The following ZBTB5 variants were observed in gnomAD, a reference collection of about 807,000 sequenced individuals.
ZBTB5 encodes the protein zinc finger and BTB domain-containing protein 5.
Under a neutral mutation model 37.9 loss-of-function variants are expected in ZBTB5, and 15 were observed. The ratio of observed to expected loss-of-function variants is 0.40; its 90% confidence interval spans 0.26 to 0.61. ZBTB5 has a LOEUF of 0.61. Ranked by LOEUF, ZBTB5 falls within the 20% of genes least tolerant of loss-of-function variation. The probability of loss-of-function intolerance (pLI) is 0.47; values close to 1 mark genes in which losing one functional copy is unlikely to be tolerated. For missense variants in ZBTB5, 708 were observed against 856.8 expected (o/e 0.83, Z 2.17); for synonymous variants, 315 against 312.4 (o/e 1.01, Z -0.09).
chr9:37,462,397 G>C (rs990060707), intron 1 of ZBTB5, among the ~76,000 whole-genome samples: 1 of 152,090 alleles, frequency 6.6e-6, no homozygotes, highest in Non-Finnish European at 1.5e-5. Context: ...TGAAAGCCAA[G>C]CTACAAGTCA....
intron 1 of ZBTB5, among the ~76,000 whole-genome samples, chr9:37,445,782 T>G (rs1304521315): frequency 1.3e-5 from 2 of 152,088 alleles, no homozygotes; most frequent in African/African-American, 4.8e-5. Context: ...TGTTGTTGTT[T>G]TTGTTTCTTT....
intron 1 of ZBTB5, among the ~76,000 whole-genome samples, chr9:37,464,983 C>T (rs1438174117): frequency 6.6e-6 from 1 of 152,244 alleles, no homozygotes; most frequent in East Asian, 1.9e-4. Flanking sequence ...AGCCCCCGCC[C>T]CACCCCGCAG....
chr9:37,461,131 A>G (rs1192814456), intron 1 of ZBTB5, among the ~76,000 whole-genome samples: 3 of 152,214 alleles, frequency 2.0e-5, no homozygotes, highest in Admixed American at 1.3e-4. Flanking sequence ...ATTCAAAATA[A>G]GTACAATCTA....
intron 1 of ZBTB5, among the ~76,000 whole-genome samples, chr9:37,456,809 C>A (rs1271089205): frequency 6.6e-6 from 1 of 152,128 alleles, no homozygotes; most frequent in African/African-American, 2.4e-5. Context: ...TAAACTTTTG[C>A]TATATATGGA....
At chr9:37,463,351 C>G (rs999217675) in intron 1 of ZBTB5, among the ~76,000 whole-genome samples, 4 of 151,938 alleles carry the variant, frequency 2.6e-5, no homozygotes, top group Non-Finnish European at 5.9e-5. Context: ...ATATTACGTA[C>G]AGTAAAAGAA....
intron 1 of ZBTB5, among the ~76,000 whole-genome samples, chr9:37,462,582 A>G (rs1180331783): frequency 1.4e-5 from 2 of 140,230 alleles, no homozygotes; most frequent in African/African-American, 5.4e-5. Context: ...TTTTTTTGAG[A>G]CAGGGTCTCA....
rs149373005 is a variant in ZBTB5, at chr9:37,442,456, A to G, written c.96T>C (p.Asn32=). ...QLCDCVIVVG[N]RHFKAHRSVL... ...CGGAGCGGTGGGCTTTAAAGTGTCT[A>G]TTCCCCACTACAATGACACAATCAC... is the stretch of plus-strand genomic sequence containing the variant. The change falls in exon 2 of 2, where the codon AAT becomes AAC. Residue 32 remains asparagine (N), a synonymous_variant. Coordinates refer to ENST00000307750, the MANE Select transcript of ZBTB5 (RefSeq NM_014872.3). 107 of 1,614,182 alleles carry G rather than the reference A, an allele frequency of 6.6e-5. No individual in the cohort carries two copies. In the African/African-American group the frequency reaches 1.3e-3, roughly 20 times the overall value.
chr9:37,445,756 CAG>C (rs1823964830), intron 1 of ZBTB5, among the ~76,000 whole-genome samples: 2 of 151,898 alleles, frequency 1.3e-5, no homozygotes, highest in South Asian at 4.2e-4. Flanking sequence ...AAGGATGGGA[CAG>C]GGGACTGCTG....
intron 1 of ZBTB5, among the ~76,000 whole-genome samples, chr9:37,463,711 C>A (rs1350083657): frequency 2.0e-5 from 3 of 152,178 alleles, no homozygotes; most frequent in African/African-American, 7.2e-5. Context: ...CCAAATCTTA[C>A]CATTTTCAGA....
In ZBTB5 at chr9:37,440,836, T is replaced by A. The variant is rs771720010; in HGVS notation, c.1716A>T (p.Glu572Asp). 6.2e-7 allele frequency: 1 copy of A among 1,614,194 alleles called. No individual in the cohort carries two copies. Among genetic ancestry groups the A allele is most frequent in the South Asian group, 1.1e-5 (1 of 91,086 alleles). ...GGCCAGGCTGGGAAGGATGGCCATT[T>A]TCAAATGAGGACGTAGCTCCATTCA... ...LMMNGATSSFENGHPSQPGPP... is the reference protein window; with the variant it reads ...LMMNGATSSFDNGHPSQPGPP... The change falls in exon 2 of 2, where the codon GAA (glutamate) becomes GAT (aspartate). Residue 572 changes from glutamate to aspartate, a missense_variant. By Grantham distance (45) the Glu-to-Asp change is conservative. Around this residue, in one of 3 missense-constraint regions of ZBTB5, gnomAD observed 639 missense variants for 690.5 expected, o/e 0.93. Transcript: ENST00000307750.
At chr9:37,459,539 C>G (rs900032083) in intron 1 of ZBTB5, among the ~76,000 whole-genome samples, 3 of 151,860 alleles carry the variant, frequency 2.0e-5, no homozygotes, top group African/African-American at 7.3e-5. Context: ...TGTCTTTTAC[C>G]CCTGACAGAT....
In ZBTB5 at chr9:37,441,290, A is replaced by T; in HGVS notation, c.1262T>A (p.Phe421Tyr). The part of the protein sequence containing the change: ...NFLNKSRGNN[F>Y]TANQNNDDNI... ...ATCATCATTGTTCTGATTTGCAGTA[A>T]AGTTATTTCCTCTGCTCTTGTTAAG... Residue 421 changes from phenylalanine to tyrosine, a missense_variant, in exon 2 of 2, where the codon TTT becomes TAT. Physicochemically the swap from Phe to Tyr is conservative, Grantham distance 22. Around this residue, in one of 3 missense-constraint regions of ZBTB5, gnomAD observed 639 missense variants for 690.5 expected, o/e 0.93. Transcript: ENST00000307750. 1 of 1,614,150 alleles carries T rather than the reference A, an allele frequency of 6.2e-7. No individual in the cohort carries two copies. The highest frequency in any genetic ancestry group is 2.2e-5 in the East Asian group (1 of 44,872).
intron 1 of ZBTB5, among the ~76,000 whole-genome samples, chr9:37,460,435 C>G (rs74667378): frequency 1.3e-5 from 2 of 150,344 alleles, no homozygotes. Flanking sequence ...AGTGAACACT[C>G]CCCCCCCAAA....
chr9:37,464,618 G>A (rs1824355098), intron 1 of ZBTB5, among the ~76,000 whole-genome samples: 1 of 152,184 alleles, frequency 6.6e-6, no homozygotes. Flanking sequence ...AGATGGGACG[G>A]CAGTGTCTTA....
rs555321056 is a variant in ZBTB5 at position 37,445,187 on chromosome 9, G to A, written c.-4-2632C>T. 2.7e-4 allele frequency among the ~76,000 whole-genome samples: 41 copies of A among 152,228 alleles called. No homozygotes were observed. In the South Asian group the frequency reaches 8.5e-3, roughly 32 times the overall value. On this transcript the variant is annotated intron_variant, in intron 1 of 1. Transcript: ENST00000307750. ...AGTCATAAAATATGTACACTAAACC[G>A]AATGTGAGATATTGGGAGGATGAGA...
intron 1 of ZBTB5, among the ~76,000 whole-genome samples, chr9:37,452,200 C>A (rs891158220): frequency 6.6e-6 from 1 of 152,194 alleles, no homozygotes; most frequent in East Asian, 1.9e-4. Flanking sequence ...GGTCTGATAT[C>A]TTTCGCTGTC....
At chr9:37,461,972 G>A (rs954170546) in intron 1 of ZBTB5, among the ~76,000 whole-genome samples, 1 of 151,998 alleles carries the variant, frequency 6.6e-6, no homozygotes, top group African/African-American at 2.4e-5. Context: ...AAATTTATTG[G>A]TTACAATTAC....
At chr9:37,448,813 G>A (rs940943025) in intron 1 of ZBTB5, among the ~76,000 whole-genome samples, 5 of 152,046 alleles carry the variant, frequency 3.3e-5, no homozygotes, top group African/African-American at 9.6e-5. Context: ...TTGGAAGGCC[G>A]AGGTGGGCAA....
intron 1 of ZBTB5, among the ~76,000 whole-genome samples, chr9:37,455,947 T>C (rs77072952): frequency 3.9e-5 from 5 of 127,306 alleles, no homozygotes; most frequent in Non-Finnish European, 8.9e-5. Flanking sequence ...CAGGCTAGGA[T>C]TTTTTTTTTT....
Sources: gnomAD v4.1 joint callset for allele counts (sites outside exome capture counted in the v4.1 genomes callset) on GRCh38, gnomAD v4.1.1 for gene constraint, gnomAD v4.1.1 regional missense constraint, MANE v1.5 for transcripts, NCBI Gene and HGNC (gene_info 2026-07-23, HGNC 2026-07-21) for gene names.